The following PGBD5 variants were observed in gnomAD, a reference collection of about 807,000 sequenced individuals.
PGBD5 encodes the protein piggyBac transposable element derived 5.
A neutral mutation model predicts 47.9 loss-of-function variants in PGBD5; 14 were observed. That is an observed-to-expected ratio of 0.29 (90% CI 0.19 to 0.46). PGBD5 has a LOEUF of 0.46. Ranked by LOEUF, PGBD5 falls within the 20% of genes least tolerant of loss-of-function variation. The pLI is 1.00. For synonymous variants in PGBD5, 316 were observed against 306.3 expected (o/e 1.03, Z -0.33); for missense variants, 635 against 716.0 (o/e 0.89, Z 1.29).
In PGBD5 at chr1:230,315,388, G is replaced by A. The variant is rs115855371; in HGVS notation, c.*8037C>T. The A allele has an allele frequency of 0.014, 1,956 of 139,318 alleles. 50 individuals are homozygous for A. Among genetic ancestry groups the A allele is most frequent in the African/African-American group, 0.059 (1,844 of 31,190 alleles). The allele number at this position is 139,318 out of a possible 1,614,324, so 8.6% of individuals were successfully genotyped here. A position where few individuals can be genotyped will look rare whatever the true frequency, so the allele number is the denominator to read the frequency against. Reference sequence around the variant, plus strand: ...CACCCGGCGGTCCCCATTCAGCCCCGGGAGCCACTCGGATCAAGTCTGGCT... The same window carrying A: ...CACCCGGCGGTCCCCATTCAGCCCCAGGAGCCACTCGGATCAAGTCTGGCT... On this transcript the variant is annotated 3_prime_UTR_variant, in exon 7 of 7. Transcript: ENST00000391860.
intron 1 of PGBD5, among the ~76,000 whole-genome samples, chr1:230,382,319 G>A (rs1457921973): frequency 2.6e-5 from 4 of 152,190 alleles, no homozygotes; most frequent in African/African-American, 9.7e-5. Flanking sequence ...GTCCTGTAAA[G>A]GAATGACATC....
At chr1:230,368,644 G>C (rs927725752) in intron 1 of PGBD5, among the ~76,000 whole-genome samples, 5 of 152,220 alleles carry the variant, frequency 3.3e-5, no homozygotes, top group African/African-American at 1.2e-4. Context: ...AAAGTCAAAG[G>C]CATGAAGGTG....
At chr1:230,335,830 T>TGC (rs1667312452) in intron 4 of PGBD5, among the ~76,000 whole-genome samples, 2 of 43,216 alleles carry the variant, frequency 4.6e-5, no homozygotes, top group Admixed American at 2.2e-4. Flanking sequence ...GACACAGACA[T>TGC]ACACATACAC....
intron 1 of PGBD5, among the ~76,000 whole-genome samples, chr1:230,410,692 A>G (rs1338186474): frequency 6.6e-6 from 1 of 152,192 alleles, no homozygotes; most frequent in Non-Finnish European, 1.5e-5. Context: ...AGGAGACTTT[A>G]GTGTCAAATG....
intron 1 of PGBD5, among the ~76,000 whole-genome samples, chr1:230,422,662 G>A (rs12064881): frequency 0.088 from 13,401 of 152,096 alleles, 1,194 homozygotes; most frequent in East Asian, 0.28. Context: ...CAGAAGAGTG[G>A]GCAAGGGCCC....
chr1:230,358,657 A>G (rs1667696740), intron 1 of PGBD5, among the ~76,000 whole-genome samples: 1 of 152,142 alleles, frequency 6.6e-6, no homozygotes, highest in Non-Finnish European at 1.5e-5. Context: ...TGTAATTATA[A>G]CACTGTATTT....
At chr1:230,404,450 A>T (rs910723782) in intron 1 of PGBD5, among the ~76,000 whole-genome samples, 9 of 151,802 alleles carry the variant, frequency 5.9e-5, no homozygotes, top group Admixed American at 2.0e-4. Flanking sequence ...AAATAATTTT[A>T]AAAAATTAGC....
chr1:230,399,144 G>A (rs762293569), intron 1 of PGBD5, among the ~76,000 whole-genome samples: 1 of 151,562 alleles, frequency 6.6e-6, no homozygotes, highest in Non-Finnish European at 1.5e-5. Context: ...TTAAAATACA[G>A]GACAGCTAGC....
intron 1 of PGBD5, among the ~76,000 whole-genome samples, chr1:230,423,659 C>G (rs1035743964): frequency 4.6e-5 from 7 of 152,186 alleles, no homozygotes; most frequent in Non-Finnish European, 1.5e-5. Flanking sequence ...TTCTCCACCA[C>G]TCCAAATTTC....
Position 230,357,873 on chromosome 1 carries a change from T to A in PGBD5, c.332-552A>T, listed in dbSNP as rs1667679802. Among the ~76,000 whole-genome samples, 1 of 152,106 alleles carries A rather than the reference T, an allele frequency of 6.6e-6. No individual in the cohort carries two copies. The highest frequency in any genetic ancestry group is 1.5e-5 in the Non-Finnish European group (1 of 68,020). On this transcript the variant is annotated intron_variant, in intron 1 of 6. Coordinates refer to ENST00000391860, the MANE Select transcript of PGBD5 (RefSeq NM_001258311.2). The surrounding 1 kb of genome is among the most constrained non-coding windows in gnomAD (Gnocchi z 5.7). ...AATGTGCATATTTATACATATAAAT[T>A]AAAAGCACTGTCTGCCAGTCTGGGG...
intron 1 of PGBD5, among the ~76,000 whole-genome samples, chr1:230,408,575 T>C (rs1483148512): frequency 6.6e-6 from 1 of 152,152 alleles, no homozygotes; most frequent in Non-Finnish European, 1.5e-5. Context: ...TTACAATCGA[T>C]TGATTTTTGA....
chr1:230,420,695 G>C (rs1657627715), intron 1 of PGBD5, among the ~76,000 whole-genome samples: 1 of 152,258 alleles, frequency 6.6e-6, no homozygotes, highest in East Asian at 1.9e-4. Context: ...TGATTGTGAG[G>C]CCTCCCCAGC....
Position 230,357,734 on chromosome 1 carries a change from C to T in PGBD5, c.332-413G>A, listed in dbSNP as rs1235590689. 6.6e-6 allele frequency among the ~76,000 whole-genome samples: 1 copy of T among 152,170 alleles called. No individual in the cohort carries two copies. The highest frequency in any genetic ancestry group is 1.9e-4 in the East Asian group (1 of 5,186). On this transcript the variant is annotated intron_variant, in intron 1 of 6. Coordinates refer to ENST00000391860, the MANE Select transcript of PGBD5 (RefSeq NM_001258311.2). The surrounding 1 kb of genome is among the most constrained non-coding windows in gnomAD (Gnocchi z 5.7). ...GGGTGTCGGTCTAGGGAGTTTCACA[C>T]ACTCGGGGCACAAGCCGAGTCTTAA...
intron 1 of PGBD5, among the ~76,000 whole-genome samples, chr1:230,419,168 C>T (rs1044125960): frequency 1.3e-5 from 2 of 152,196 alleles, no homozygotes; most frequent in Admixed American, 1.3e-4. Flanking sequence ...AGGTGCCCAT[C>T]AATGGTGGAC....
At chr1:230,337,316 G>T (rs764397554) in intron 3 of PGBD5, 28 bp from the exon 4 acceptor site, 2 of 1,575,124 alleles carry the variant, frequency 1.3e-6, no homozygotes, top group Non-Finnish European at 8.6e-7. Context: ...AGAGGTTAGC[G>T]TGCTCACAGC....
intron 3 of PGBD5, among the ~76,000 whole-genome samples, chr1:230,340,462 G>A (rs1254963092): frequency 6.6e-6 from 1 of 152,132 alleles, no homozygotes; most frequent in African/African-American, 2.4e-5. Flanking sequence ...GTGTGTATAT[G>A]TGTGTGTTTA....
chr1:230,339,016 C>T (rs1025326046), intron 3 of PGBD5, among the ~76,000 whole-genome samples: 2 of 152,118 alleles, frequency 1.3e-5, no homozygotes, highest in African/African-American at 2.4e-5. Context: ...TCATCAACAC[C>T]CACATTACTG....
chr1:230,417,326 A>G (rs1240517772), intron 1 of PGBD5, among the ~76,000 whole-genome samples: 1 of 152,146 alleles, frequency 6.6e-6, no homozygotes. Flanking sequence ...TTCTGCCCTA[A>G]GTACTCATTT....
intron 1 of PGBD5, among the ~76,000 whole-genome samples, chr1:230,369,188 A>C (rs2632567): frequency 0.63 from 96,550 of 152,196 alleles, 31,935 homozygotes; most frequent in Non-Finnish European, 0.74. Context: ...TGAACCCAGA[A>C]CGTGGATGTG....
Sources: gnomAD v4.1 joint callset for allele counts (sites outside exome capture counted in the v4.1 genomes callset) on GRCh38, gnomAD v4.1.1 for gene constraint, Gnocchi (gnomAD v3.1) non-coding constraint, MANE v1.5 for transcripts, NCBI Gene and HGNC (gene_info 2026-07-23, HGNC 2026-07-21) for gene names.